Variants in SLIT3 observed in about 807,000 individuals in gnomAD.
SLIT3 encodes the protein slit guidance ligand 3, also known as slit homolog 3 protein.
SLIT3 carries 68 observed loss-of-function variants against 184.0 expected under a neutral mutation model. That is an observed-to-expected ratio of 0.37 (90% CI 0.30 to 0.45). The LOEUF (loss-of-function observed/expected upper bound fraction) is 0.45, where lower values mean the gene tolerates loss of function less well. Among genes scored for constraint, SLIT3 ranks in the 20% least tolerant of loss-of-function variants. The pLI is 1.00. For synonymous variants in SLIT3, 831 were observed against 828.6 expected (o/e 1.00, Z -0.05); for missense variants, 1,707 against 2,026.0 (o/e 0.84, Z 3.02).
intron 4 of SLIT3, among the ~76,000 whole-genome samples, chr5:169,098,152 C>A (rs1759860149): frequency 1.3e-5 from 2 of 152,060 alleles, no homozygotes; most frequent in Non-Finnish European, 2.9e-5. Flanking sequence ...GGCTTCTTCT[C>A]ACACATGGGG....
chr5:168,733,302 G>C (rs1261957676), intron 20 of SLIT3, among the ~76,000 whole-genome samples: 3 of 152,144 alleles, frequency 2.0e-5, no homozygotes, highest in African/African-American at 7.2e-5. Flanking sequence ...TTTTTGGTGA[G>C]AATGTGGAGA....
At position 168,774,261 on chromosome 5, in the gene SLIT3, G is replaced by T. The variant is rs148958775; in HGVS notation, c.1269C>A (p.Phe423Leu). 3 of 1,613,640 alleles carry T rather than the reference G, an allele frequency of 1.9e-6. No homozygotes were observed. Among genetic ancestry groups the T allele is most frequent in the Non-Finnish European group, 2.5e-6 (3 of 1,179,738 alleles). The change falls in exon 13 of 36, where the codon TTC becomes TTA. Residue 423 changes from phenylalanine to leucine, a missense_variant. Around this residue, in one of 3 missense-constraint regions of SLIT3, gnomAD observed 1,307 missense variants for 1,511.6 expected, o/e 0.86. Transcript: ENST00000519560. ...NKLQTISKGL[F>L]APLQSIQTLH... ...GTGTCTGGATGGACTGCAGAGGGGC[G>T]AAGAGCCCCTTGCTGATGGTCTGCA...
At chr5:169,285,206 T>C (rs530064468) in intron 1 of SLIT3, among the ~76,000 whole-genome samples, 2 of 152,318 alleles carry the variant, frequency 1.3e-5, no homozygotes, top group East Asian at 3.9e-4. Context: ...TGTGAGCCAC[T>C]GCACCTGGGC....
intron 4 of SLIT3, among the ~76,000 whole-genome samples, chr5:168,976,203 T>A (rs1754751501): frequency 6.6e-6 from 1 of 152,218 alleles, no homozygotes; most frequent in Admixed American, 6.5e-5. Context: ...AGAGAGACTA[T>A]GTAACTTGCC....
chr5:168,936,457 A>C (rs1451371055), intron 4 of SLIT3, among the ~76,000 whole-genome samples: 1 of 151,572 alleles, frequency 6.6e-6, no homozygotes, highest in Non-Finnish European at 1.5e-5. Context: ...CTTGTCTCGA[A>C]CTCCTGACCT....
intron 6 of SLIT3, among the ~76,000 whole-genome samples, chr5:168,830,736 CAG>C (rs1161659905): frequency 1.3e-5 from 2 of 152,224 alleles, no homozygotes; most frequent in African/African-American, 4.8e-5. Flanking sequence ...TCAGATCTCA[CAG>C]CCAGAGGTGC....
chr5:168,933,581 CTG>C (rs910195498), intron 4 of SLIT3, among the ~76,000 whole-genome samples: 1 of 152,098 alleles, frequency 6.6e-6, no homozygotes, highest in Admixed American at 6.5e-5. Context: ...GAGGTAAGAA[CTG>C]TGATTCCCTT....
chr5:168,941,348 T>C (rs1272366800), intron 4 of SLIT3, among the ~76,000 whole-genome samples: 1 of 152,168 alleles, frequency 6.6e-6, no homozygotes, highest in Non-Finnish European at 1.5e-5. Flanking sequence ...ATATACTCCC[T>C]AGGTTAGGTC....
In SLIT3 at chr5:168,666,239, A is replaced by G; in HGVS notation, c.*215T>C. 4.4e-6 allele frequency: 2 copies of G among 453,332 alleles called. No individual in the cohort carries two copies. Among genetic ancestry groups the G allele is most frequent in the Admixed American group, 7.7e-5 (2 of 26,126 alleles). The allele number at this position is 453,332 out of a possible 1,614,324, so 28.1% of individuals were successfully genotyped here. A position where few individuals can be genotyped will look rare whatever the true frequency, so the allele number is the denominator to read the frequency against. On this transcript the variant is annotated 3_prime_UTR_variant, in exon 36 of 36. Coordinates refer to ENST00000519560, the MANE Select transcript of SLIT3 (RefSeq NM_003062.4). ...TATGGTACATATACGCAGATGGTGTAATATATTTATATAATAAAAGATGAA... is the reference window on the plus strand; with the variant it reads ...TATGGTACATATACGCAGATGGTGTGATATATTTATATAATAAAAGATGAA...
Position 168,712,498 on chromosome 5 carries a change from C to T in SLIT3, c.2484-144G>A, listed in dbSNP as rs562649005. 4 of 690,232 alleles carry T rather than the reference C, an allele frequency of 5.8e-6. No homozygotes were observed. In the East Asian group the frequency reaches 7.9e-5, roughly 14 times the overall value. The allele number at this position is 690,232 out of a possible 1,614,324, so 42.8% of individuals were successfully genotyped here. A position where few individuals can be genotyped will look rare whatever the true frequency, so the allele number is the denominator to read the frequency against. ...CTAGCAGTAGCTGCTGCCCCCTTTG[C>T]TCTGGGTGCATGAATGTTCTATGCC... On this transcript the variant is annotated intron_variant, in intron 23 of 35. Coordinates refer to ENST00000519560, the MANE Select transcript of SLIT3 (RefSeq NM_003062.4).
At position 168,994,623 on chromosome 5, in the gene SLIT3, C is replaced by CTTT. The variant is rs66498923; in HGVS notation, c.414-111290_414-111288dup. Among the ~76,000 whole-genome samples the CTTT allele has an allele frequency of 3.4e-4, 16 of 47,100 alleles. 5 individuals carry two copies. Among genetic ancestry groups the CTTT allele is most frequent in the African/African-American group, 4.9e-4 (5 of 10,222 alleles). 30.9% of individuals were successfully genotyped at this position (47,100 alleles called of 152,430 possible). On this transcript the variant is annotated intron_variant, in intron 4 of 35. Transcript: ENST00000519560. ...ACATGTACCAGTGTCTGGCATTCTA[C>CTTT]TTTTTTTTTTTTTTTTTTTTTTTTT...
At chr5:168,893,863 G>C (rs1290622792) in intron 4 of SLIT3, among the ~76,000 whole-genome samples, 1 of 152,180 alleles carries the variant, frequency 6.6e-6, no homozygotes, top group Non-Finnish European at 1.5e-5. Context: ...AGGTTCAGAG[G>C]CATAGTATCC....
chr5:169,119,855 C>T (rs1367043623), intron 4 of SLIT3: 1 of 152,170 alleles, frequency 6.6e-6, no homozygotes, highest in Admixed American at 6.5e-5. Context: ...ATGGAAATGG[C>T]TCTTAATTAT....
chr5:169,210,664 G>A (rs539872736), intron 3 of SLIT3, among the ~76,000 whole-genome samples: 6 of 152,236 alleles, frequency 3.9e-5, no homozygotes, highest in East Asian at 1.9e-4. Context: ...GACAAAGACC[G>A]TTGTGTGAGT....
At chr5:169,159,025 G>A (rs1298227681) in intron 4 of SLIT3, among the ~76,000 whole-genome samples, 1 of 152,172 alleles carries the variant, frequency 6.6e-6, no homozygotes, top group Non-Finnish European at 1.5e-5. Flanking sequence ...GCTCATGCCT[G>A]TAATCCCAGT....
intron 4 of SLIT3, among the ~76,000 whole-genome samples, chr5:169,095,967 C>G (rs971605192): frequency 5.9e-5 from 9 of 152,214 alleles, no homozygotes; most frequent in Non-Finnish European, 1.5e-5. Flanking sequence ...AGATAGGGCT[C>G]AAGTCTCTAT....
At chr5:169,008,038 G>C (rs1755996168) in intron 4 of SLIT3, among the ~76,000 whole-genome samples, 1 of 152,108 alleles carries the variant, frequency 6.6e-6, no homozygotes, top group African/African-American at 2.4e-5. Context: ...CCAGGCAGAG[G>C]GCCATTGTTC....
chr5:168,874,700 T>G (rs1018266659), intron 5 of SLIT3, among the ~76,000 whole-genome samples: 1 of 152,222 alleles, frequency 6.6e-6, no homozygotes, highest in African/African-American at 2.4e-5. Flanking sequence ...GATGGGGCAT[T>G]TACCACCACT....
chr5:168,841,717 G>A (rs559005443), intron 6 of SLIT3, among the ~76,000 whole-genome samples: 45 of 152,288 alleles, frequency 3.0e-4, no homozygotes, highest in African/African-American at 1.0e-3. Context: ...ATCCACAGGA[G>A]GGATGGAATA....
Sources: gnomAD v4.1 joint callset for allele counts (sites outside exome capture counted in the v4.1 genomes callset) on GRCh38, gnomAD v4.1.1 for gene constraint, gnomAD v4.1.1 regional missense constraint, MANE v1.5 for transcripts, NCBI Gene and HGNC (gene_info 2026-07-23, HGNC 2026-07-21) for gene names.